The following PEAK1 variants were observed in gnomAD, a reference collection of about 807,000 sequenced individuals.
PEAK1 encodes inactive tyrosine-protein kinase PEAK1.
PEAK1 carries 54 observed loss-of-function variants against 124.7 expected under a neutral mutation model. That is an observed-to-expected ratio of 0.43 (90% CI 0.35 to 0.54). The LOEUF (loss-of-function observed/expected upper bound fraction) is 0.54, where lower values mean the gene tolerates loss of function less well. Ranked by LOEUF, PEAK1 falls within the 20% of genes least tolerant of loss-of-function variation. PEAK1 has a pLI of 0.01. For synonymous variants in PEAK1, 719 were observed against 760.0 expected, an observed-to-expected ratio of 0.95 and a Z score of 0.89; for missense variants, 2,046 against 2,134.5, an observed-to-expected ratio of 0.96 and a Z score of 0.82.
intron 2 of PEAK1, among the ~76,000 whole-genome samples, chr15:77,321,231 C>T (rs534846065): frequency 6.6e-6 from 1 of 152,332 alleles, no homozygotes; most frequent in East Asian, 1.9e-4. Flanking sequence ...TGAGGCATCG[C>T]CATACTGACT....
downstream of PEAK1, chr15:77,105,562 C>CA (rs2050742743): frequency 6.6e-6 from 1 of 152,172 alleles, no homozygotes; most frequent in South Asian, 2.1e-4. Context: ...CTCTTAACAA[C>CA]AACTTGTGAT....
At chr15:77,336,544 A>G in intron 2 of PEAK1, 1 of 985,432 alleles carries the variant, frequency 1.0e-6, no homozygotes, top group African/African-American at 1.7e-5. Context: ...TGAAATATAG[A>G]GTCTGTGAAT....
chr15:77,248,588 G>A (rs2060700423), intron 6 of PEAK1, among the ~76,000 whole-genome samples: 1 of 152,162 alleles, frequency 6.6e-6, no homozygotes, highest in Admixed American at 6.5e-5. Flanking sequence ...TGAGGACACA[G>A]TGAAAAGACA....
At chr15:77,388,215 A>T in intron 1 of PEAK1, among the ~76,000 whole-genome samples, 2 of 152,182 alleles carry the variant, frequency 1.3e-5, no homozygotes, top group East Asian at 3.9e-4. Flanking sequence ...AACAACTTGA[A>T]AAGTATATGC....
In PEAK1 at chr15:77,351,814, A is replaced by G. The variant is rs1293356693; in HGVS notation, c.-603+13349T>C. The stretch of plus-strand genomic sequence containing the variant: ...TGTGGAGCACTGAAAAGTTTTGAAC[A>G]CGGGTGTGGTAACAGTTTGAGTTTT... On this transcript the variant is annotated intron_variant, in intron 2 of 9. Coordinates refer to ENST00000682557, the MANE Select transcript of PEAK1 (RefSeq NM_001385026.1). The G allele has an allele frequency of 7.1e-6, 7 of 985,346 alleles. No homozygotes were observed. In the African/African-American group the frequency reaches 1.2e-4, roughly 17 times the overall value. 61.0% of individuals were successfully genotyped at this position (985,346 alleles called of 1,614,324 possible). A position where few individuals can be genotyped will look rare whatever the true frequency, so the allele number is the denominator to read the frequency against.
intron 9 of PEAK1, 45 bp downstream of exon 9, chr15:77,132,960 A>G (rs761414886): frequency 6.5e-7 from 1 of 1,534,904 alleles, no homozygotes; most frequent in South Asian, 1.2e-5. Flanking sequence ...CCCAGTAACA[A>G]TGTAGTGGTT....
intron 6 of PEAK1, among the ~76,000 whole-genome samples, chr15:77,205,814 T>C (rs1046815285): frequency 6.6e-6 from 1 of 151,074 alleles, no homozygotes; most frequent in Admixed American, 6.6e-5. Context: ...AATAACTTTA[T>C]TATTAATTAT....
At chr15:77,175,031 G>A (rs2056762663) in intron 7 of PEAK1, among the ~76,000 whole-genome samples, 1 of 151,206 alleles carries the variant, frequency 6.6e-6, no homozygotes, top group Admixed American at 6.6e-5. Context: ...AATGGTGCTG[G>A]GAAAACTGGC....
intron 2 of PEAK1, among the ~76,000 whole-genome samples, chr15:77,360,341 A>C (rs2067803355): frequency 6.6e-6 from 1 of 152,224 alleles, no homozygotes; most frequent in African/African-American, 2.4e-5. Flanking sequence ...TGTTTCTTAG[A>C]TACAACACCA....
intron 9 of PEAK1, among the ~76,000 whole-genome samples, chr15:77,124,282 A>G (rs964728561): frequency 5.9e-5 from 9 of 152,134 alleles, no homozygotes; most frequent in Non-Finnish European, 1.0e-4. Context: ...TTCCATTACA[A>G]TCTCATGTAG....
In PEAK1 at chr15:77,181,688, G is replaced by C; in HGVS notation, c.239C>G (p.Ala80Gly). 6.2e-7 allele frequency: 1 copy of C among 1,614,106 alleles called. No homozygotes were observed. The highest frequency in any genetic ancestry group is 8.5e-7 in the Non-Finnish European group (1 of 1,180,016). Residue 80 changes from alanine to glycine, a missense_variant, in exon 7 of 10, where the codon GCA (alanine) becomes GGA (glycine). Coordinates refer to ENST00000682557, the MANE Select transcript of PEAK1 (RefSeq NM_001385026.1). ...TIAVKPTMIV[A>G]DGQSICGELS... ...CTCACCACATATACTTTGCCCATCT[G>C]CCACTATCATAGTGGGCTTCACAGC... is the stretch of plus-strand genomic sequence containing the variant.
chr15:77,147,173 C>A (rs1333887292), intron 8 of PEAK1, among the ~76,000 whole-genome samples: 7 of 152,184 alleles, frequency 4.6e-5, no homozygotes. Context: ...GAAAAGCCAG[C>A]TGATTAATGG....
chr15:77,405,381 T>C (rs1050200941), intron 1 of PEAK1, among the ~76,000 whole-genome samples: 2 of 152,200 alleles, frequency 1.3e-5, no homozygotes, highest in African/African-American at 4.8e-5. Flanking sequence ...TAGCACTAGT[T>C]ATCTCTGGAT....
chr15:77,102,644 C>T (rs1285731276), exon 7 of PEAK1: 1 of 152,144 alleles, frequency 6.6e-6, no homozygotes, highest in African/African-American at 2.4e-5. Context: ...AAACTTCCTT[C>T]CCTTCTCATA....
intron 1 of PEAK1, among the ~76,000 whole-genome samples, chr15:77,398,547 T>C (rs538284238): frequency 6.6e-6 from 1 of 151,690 alleles, no homozygotes; most frequent in African/African-American, 2.4e-5. Context: ...TGAAAAAGCA[T>C]TTGCTAAAAT....
At chr15:77,186,439 AT>A in intron 6 of PEAK1, among the ~76,000 whole-genome samples, 1 of 152,360 alleles carries the variant, frequency 6.6e-6, no homozygotes, top group South Asian at 2.1e-4. Context: ...GAATAGCCAA[AT>A]GAGACTCACC....
intron 6 of PEAK1, among the ~76,000 whole-genome samples, chr15:77,250,542 C>T (rs1411694211): frequency 6.6e-6 from 1 of 152,112 alleles, no homozygotes; most frequent in East Asian, 1.9e-4. Context: ...ACGCCACTCT[C>T]CTGCCTCAGC....
At chr15:77,189,426 A>C (rs1156391810) in intron 6 of PEAK1, among the ~76,000 whole-genome samples, 1 of 148,840 alleles carries the variant, frequency 6.7e-6, no homozygotes, top group Non-Finnish European at 1.5e-5. Flanking sequence ...GCAGTGTCTG[A>C]AAGACAGTCC....
intron 1 of PEAK1, chr15:77,404,739 T>C (rs1279028792): frequency 1.1e-6 from 1 of 951,336 alleles, no homozygotes; most frequent in Non-Finnish European, 1.3e-6. Context: ...TTATTAATGA[T>C]AAAGTCTATG....
Sources: allele counts gnomAD v4.1 joint callset (sites outside exome capture counted in the v4.1 genomes callset), GRCh38; gene constraint gnomAD v4.1.1; transcripts MANE v1.5; gene names NCBI Gene and HGNC (gene_info 2026-07-23, HGNC 2026-07-21).